Variants in PARD3 observed in about 807,000 individuals in gnomAD.
PARD3 encodes the protein partitioning defective 3 homolog.
A neutral mutation model predicts 155.4 loss-of-function variants in PARD3; 75 were observed. That is an observed-to-expected ratio of 0.48 (90% CI 0.40 to 0.58). PARD3 has a LOEUF of 0.58. PARD3 is among the 20% of genes least tolerant of loss of function. The probability of loss-of-function intolerance (pLI) is 0.00; values close to 1 mark genes in which losing one functional copy is unlikely to be tolerated. For synonymous variants in PARD3, 576 were observed against 610.5 expected, an observed-to-expected ratio of 0.94 and a Z score of 0.83; for missense variants, 1,642 against 1,721.7, an observed-to-expected ratio of 0.95 and a Z score of 0.82.
intron 20 of PARD3, among the ~76,000 whole-genome samples, chr10:34,302,332 G>A (rs1379514089): frequency 6.6e-6 from 1 of 152,198 alleles, no homozygotes; most frequent in Non-Finnish European, 1.5e-5. Context: ...TACTTACTTT[G>A]TACCAGGAGG....
chr10:34,374,746 G>A, intron 11 of PARD3, 128 bp downstream of exon 11: 1 of 862,718 alleles, frequency 1.2e-6, no homozygotes, highest in Non-Finnish European at 1.8e-6. Context: ...TTCAGTGAGG[G>A]CTGAAAGAAA....
At chr10:34,300,758 T>C (rs1163588387) in intron 20 of PARD3, among the ~76,000 whole-genome samples, 1 of 152,218 alleles carries the variant, frequency 6.6e-6, no homozygotes, top group Non-Finnish European at 1.5e-5. Context: ...AGGCAGCTAA[T>C]TTAGAGTAGC....
At chr10:34,801,687 T>C (rs1364989061) in intron 1 of PARD3, among the ~76,000 whole-genome samples, 1 of 152,208 alleles carries the variant, frequency 6.6e-6, no homozygotes, top group Non-Finnish European at 1.5e-5. Flanking sequence ...CCCTTACAAC[T>C]ACCTACCTAA....
At chr10:34,356,654 T>C (rs116675899) in intron 14 of PARD3, among the ~76,000 whole-genome samples, 87 of 152,330 alleles carry the variant, frequency 5.7e-4, no homozygotes, top group African/African-American at 2.0e-3. Flanking sequence ...CCTGTGCTTA[T>C]ATCAATATTT....
chr10:34,137,728 A>G (rs1465217853), intron 22 of PARD3, among the ~76,000 whole-genome samples: 1 of 152,118 alleles, frequency 6.6e-6, no homozygotes, highest in African/African-American at 2.4e-5. Flanking sequence ...AGTCTAAGAG[A>G]CACATGGAGT....
intron 20 of PARD3, among the ~76,000 whole-genome samples, chr10:34,301,268 A>G (rs1308478345): frequency 1.3e-5 from 2 of 152,228 alleles, no homozygotes; most frequent in East Asian, 1.9e-4. Context: ...GTTGACACCT[A>G]CTGACTAATC....
At chr10:34,443,564 G>C (rs1473182224) in intron 5 of PARD3, among the ~76,000 whole-genome samples, 1 of 152,022 alleles carries the variant, frequency 6.6e-6, no homozygotes, top group Admixed American at 6.6e-5. Context: ...GAAAGAGCTC[G>C]AGCAGGGAAA....
intron 22 of PARD3, among the ~76,000 whole-genome samples, chr10:34,166,152 A>T (rs1949518055): frequency 6.6e-6 from 1 of 152,216 alleles, no homozygotes; most frequent in Admixed American, 6.5e-5. Context: ...TATTGGAAAA[A>T]AATTAATTAG....
At chr10:34,496,903 TA>T (rs1198121490) in intron 3 of PARD3, among the ~76,000 whole-genome samples, 1 of 42,974 alleles carries the variant, frequency 2.3e-5, no homozygotes, top group Non-Finnish European at 3.6e-5. Context: ...AATAGTATAC[TA>T]TTTTTAAAAT....
chr10:34,534,649 G>A (rs1408113805), intron 2 of PARD3, among the ~76,000 whole-genome samples: 2 of 152,186 alleles, frequency 1.3e-5, no homozygotes, highest in Admixed American at 6.5e-5. Flanking sequence ...AAGCAAGTGA[G>A]CCCAAGGTCC....
intron 2 of PARD3, among the ~76,000 whole-genome samples, chr10:34,583,652 G>C (rs2087715225): frequency 6.6e-6 from 1 of 152,146 alleles, no homozygotes; most frequent in South Asian, 2.1e-4. Flanking sequence ...TTAAAAAACA[G>C]AATGAGGAAA....
In PARD3 at chr10:34,380,978, G is replaced by C. The variant is rs779583606; in HGVS notation, c.1399+1562C>G. 1.2e-3 allele frequency among the ~76,000 whole-genome samples: 179 copies of C among 152,286 alleles called. 1 individual carries two copies. The highest frequency in any genetic ancestry group is 3.4e-3 in the Middle Eastern group (1 of 294). On this transcript the variant is annotated intron_variant, in intron 9 of 24. Coordinates refer to ENST00000374788, the MANE Select transcript of PARD3 (RefSeq NM_001184785.2). ...AGGATGTGATATTTCTCTCATTTAG[G>C]AATTGACAGAGCTAAAGGGGTTTCT... is the stretch of plus-strand genomic sequence containing the variant.
At chr10:34,274,860 C>A (rs894028995) in intron 21 of PARD3, among the ~76,000 whole-genome samples, 5 of 152,102 alleles carry the variant, frequency 3.3e-5, no homozygotes, top group African/African-American at 4.8e-5. Context: ...AGAATAGGAA[C>A]ACACTCTTTT....
chr10:34,592,206 T>C (rs1194660253), intron 2 of PARD3, among the ~76,000 whole-genome samples: 1 of 152,220 alleles, frequency 6.6e-6, no homozygotes, highest in Admixed American at 6.5e-5. Flanking sequence ...CAGTGAATTA[T>C]GTCACAATAT....
chr10:34,752,029 T>A (rs1453180294), intron 1 of PARD3, among the ~76,000 whole-genome samples: 1 of 152,148 alleles, frequency 6.6e-6, no homozygotes, highest in South Asian at 2.1e-4. Flanking sequence ...GTAAAGTTGG[T>A]TGTACATCTA....
At chr10:34,255,267 C>A (rs550955897) in intron 22 of PARD3, among the ~76,000 whole-genome samples, 1 of 152,166 alleles carries the variant, frequency 6.6e-6, no homozygotes, top group Non-Finnish European at 1.5e-5. Context: ...TTCCAATCCA[C>A]GCTATAGTTT....
At chr10:34,512,893 A>G (rs1182473797) in intron 3 of PARD3, among the ~76,000 whole-genome samples, 1 of 152,150 alleles carries the variant, frequency 6.6e-6, no homozygotes, top group Admixed American at 6.5e-5. Context: ...CCACCCAAAA[A>G]TCTAAGATTA....
At chr10:34,332,021 T>TA (rs1195186852) in intron 18 of PARD3, among the ~76,000 whole-genome samples, 2 of 151,900 alleles carry the variant, frequency 1.3e-5, no homozygotes, top group East Asian at 3.9e-4. Flanking sequence ...CAGAGGGAAA[T>TA]AAAAAAGGAG....
chr10:34,721,915 C>G (rs2094612725), intron 1 of PARD3, among the ~76,000 whole-genome samples: 1 of 152,180 alleles, frequency 6.6e-6, no homozygotes, highest in Admixed American at 6.5e-5. Context: ...CAGTGGCTCA[C>G]GCCTGTAATC....
Sources: gnomAD v4.1 joint callset for allele counts (sites outside exome capture counted in the v4.1 genomes callset) on GRCh38, gnomAD v4.1.1 for gene constraint, MANE v1.5 for transcripts, NCBI Gene and HGNC (gene_info 2026-07-23, HGNC 2026-07-21) for gene names.